Variants in KLC3 observed in about 807,000 individuals in gnomAD.
The protein encoded by KLC3 is kinesin light chain 2.
KLC3 carries 72 observed loss-of-function variants against 62.9 expected under a neutral mutation model. That is an observed-to-expected ratio of 1.15 (90% CI 0.95 to 1.39). KLC3 has a LOEUF of 1.39. Among genes scored for constraint, KLC3 ranks in the 40% most tolerant of loss-of-function variants. The pLI is 0.00. For synonymous variants in KLC3, 377 were observed against 300.5 expected (o/e 1.25, Z -2.63); for missense variants, 848 against 691.6 (o/e 1.23, Z -2.54).
chr19:45,350,278 G>A lies in KLC3; in HGVS notation c.1144-63G>A, dbSNP rs114207479. On this transcript the variant is annotated intron_variant, in intron 8 of 12. Coordinates refer to ENST00000391946, the MANE Select transcript of KLC3 (RefSeq NM_177417.3). ...TCTCTACAAAAAAAAAAAAAAAGGC[G>A]GGACTGGATGCAGTGTTGGGAACTG... 1.2e-3 allele frequency: 1,580 copies of A among 1,266,536 alleles called. 21 individuals carry two copies. The African/African-American group carries it at 0.021, about 17-fold the overall frequency. The allele number at this position is 1,266,536 out of a possible 1,614,324, so 78.5% of individuals were successfully genotyped here.
chr19:45,349,714 G>A (rs1971623104), intron 8 of KLC3, 112 bp downstream of exon 8: 1 of 1,069,340 alleles, frequency 9.4e-7, no homozygotes, highest in Non-Finnish European at 1.3e-6. Flanking sequence ...GGCCCCCCAG[G>A]CCGGGCCCTT....
chr19:45,346,864 A>G, intron 3 of KLC3, 90 bp downstream of exon 3: 3 of 1,238,016 alleles, frequency 2.4e-6, no homozygotes, highest in Non-Finnish European at 3.4e-6. Flanking sequence ...ACAGTCCCCA[A>G]GATCCTCCTT....
chr19:45,348,514 C>T (rs937543224), intron 5 of KLC3, 132 bp from the exon 6 acceptor site: 2 of 816,882 alleles, frequency 2.4e-6, no homozygotes, highest in Admixed American at 2.5e-5. Context: ...CCACAAAAGG[C>T]CCTCAAAGGG....
chr19:45,347,972 G>GC lies in KLC3; in HGVS notation c.592dup (p.Gln198ProfsTer5). Reference sequence around the variant, plus strand: ...AGGCCGCAGGAGCAGCAGCTGCTCAGCAGGGTGGCTATGAGATCCCTGCCC... The same window carrying GC: ...AGGCCGCAGGAGCAGCAGCTGCTCAGCCAGGGTGGCTATGAGATCCCTGCCC... On this transcript the variant is annotated frameshift_variant, in exon 5 of 13. Transcript: ENST00000391946. LOFTEE classifies it high-confidence loss of function. 1 of 1,608,940 alleles carries GC rather than the reference G, an allele frequency of 6.2e-7. No individual in the cohort carries two copies. Among genetic ancestry groups the GC allele is most frequent in the Non-Finnish European group, 8.5e-7 (1 of 1,177,980 alleles).
chr19:45,345,375 A>C (rs1045634501), intron 1 of KLC3, 159 bp from the exon 2 acceptor site: 1 of 855,172 alleles, frequency 1.2e-6, no homozygotes, highest in Non-Finnish European at 1.9e-6. Flanking sequence ...TGGGATGGAG[A>C]GGGTGTGGAG....
rs1335127636 is a variant in KLC3 at position 45,345,526 on chromosome 19, C to T, written c.-8-8C>T. 1 of 1,558,850 alleles carries T rather than the reference C, an allele frequency of 6.4e-7. No individual in the cohort carries two copies. The highest frequency in any genetic ancestry group is 2.4e-5 in the East Asian group (1 of 41,698). ...TGATTCCCCAAACCCCTCACCATTG[C>T]TCCCCAGGAGCAGCAATGTCTGTGC... On this transcript the variant is annotated splice_polypyrimidine_tract_variant and splice_region_variant and intron_variant, in intron 1 of 12. Coordinates refer to ENST00000391946, the MANE Select transcript of KLC3 (RefSeq NM_177417.3).
chr19:45,343,565 C>T (rs1042723334), intron 1 of KLC3, among the ~76,000 whole-genome samples: 4 of 152,102 alleles, frequency 2.6e-5, no homozygotes, highest in Non-Finnish European at 4.4e-5. Context: ...AAACTCCTGA[C>T]CTCAACTGAT....
Position 45,351,342 on chromosome 19 carries a change from C to T in KLC3, c.1500C>T (p.Asp500=). Residue 500 remains aspartate, a synonymous_variant, in exon 13 of 13, where the codon GAC becomes GAT. Transcript: ENST00000391946. Reference sequence around the variant, plus strand: ...GGACCCTCAGCGCCAGCACCCAGGACCTGAGCCCCCACTAACGTCCAGTGA... The same window carrying T: ...GGACCCTCAGCGCCAGCACCCAGGATCTGAGCCCCCACTAACGTCCAGTGA... ...APRTLSASTQ[D]LSPH The T allele has an allele frequency of 1.2e-6, 2 of 1,611,674 alleles. No individual in the cohort carries two copies. The highest frequency in any genetic ancestry group is 1.7e-5 in the Admixed American group (1 of 60,010).
Position 45,350,713 on chromosome 19 carries a change from C to G in KLC3, c.1345C>G (p.Arg449Gly), listed in dbSNP as rs531834422. 8 of 1,613,260 alleles carry G rather than the reference C, an allele frequency of 5.0e-6. No homozygotes were observed. The highest frequency in any genetic ancestry group is 1.7e-5 in the Admixed American group (1 of 59,902). The change falls in exon 11 of 13, where the codon CGG becomes GGG. Residue 449 changes from arginine to glycine, a missense_variant. Transcript: ENST00000391946. Reference sequence around the variant, plus strand: ...GCGAGGAAGTGAGAAGCTGGTCTCCCGGCTCCGAGGCGAGGCGGCGGCAGG... The same window carrying G: ...GCGAGGAAGTGAGAAGCTGGTCTCCGGGCTCCGAGGCGAGGCGGCGGCAGG... ...IRRGSEKLVS[R>G]LRGEAAAGAA...
rs1388470729 is a variant in KLC3, at chr19:45,351,003, GC to G, written c.1430del (p.Ala477ValfsTer25). ...LNTLNVDAPRAPGTQFPSWHL... is the reference protein window; with the variant it reads ...LNTLNVDAPRXPGTQFPSWHL... ...CACACTGAACGTGGATGCTCCAAGGGCTCCTGGGACTCAGGTGAGGGGGACA... is the reference window on the plus strand; with the variant it reads ...CACACTGAACGTGGATGCTCCAAGGGTCCTGGGACTCAGGTGAGGGGGACA... On this transcript the variant is annotated frameshift_variant, in exon 12 of 13. Coordinates refer to ENST00000391946, the MANE Select transcript of KLC3 (RefSeq NM_177417.3). LOFTEE classifies it high-confidence loss of function. The G allele has an allele frequency of 1.2e-6, 2 of 1,614,136 alleles. No homozygotes were observed. Among genetic ancestry groups the G allele is most frequent in the Non-Finnish European group, 1.7e-6 (2 of 1,180,014 alleles).
chr19:45,343,871 A>G (rs1971437226), intron 1 of KLC3, among the ~76,000 whole-genome samples: 1 of 151,570 alleles, frequency 6.6e-6, no homozygotes, highest in African/African-American at 2.4e-5. Flanking sequence ...ACTGGGTCTT[A>G]CTCTTTCACC....
At chr19:45,346,141 G>A (rs1193513456) in intron 2 of KLC3, among the ~76,000 whole-genome samples, 2 of 152,080 alleles carry the variant, frequency 1.3e-5, no homozygotes, top group Non-Finnish European at 2.9e-5. Context: ...CAGTCTGGGT[G>A]ACAGAGAGAG....
Position 45,348,217 on chromosome 19 carries a change from C to T in KLC3, c.779+57C>T. On this transcript the variant is annotated intron_variant, in intron 5 of 12. Transcript: ENST00000391946. The stretch of plus-strand genomic sequence containing the variant: ...AGGAACGGCAGGGACCCATTGGGTG[C>T]AAGTGGAAGGATCCTGGTGCCCCCT... The T allele has an allele frequency of 2.1e-6, 3 of 1,451,750 alleles. No individual in the cohort carries two copies. The South Asian group carries it at 3.8e-5, about 18-fold the overall frequency. The allele number at this position is 1,451,750 out of a possible 1,614,324, so 89.9% of individuals were successfully genotyped here.
At chr19:45,350,606 T>C in intron 10 of KLC3, 35 bp from the exon 11 acceptor site, 3 of 1,613,160 alleles carry the variant, frequency 1.9e-6, no homozygotes, top group Non-Finnish European at 2.5e-6. Context: ...TGCATGGGCC[T>C]GGGGGACTGA....
intron 1 of KLC3, among the ~76,000 whole-genome samples, chr19:45,342,743 G>A (rs1468725434): frequency 6.6e-6 from 1 of 152,008 alleles, no homozygotes; most frequent in Non-Finnish European, 1.5e-5. Context: ...CTCCAGTCTG[G>A]GCAACAGAGC....
chr19:45,341,155 G>C (rs1971384826), intron 1 of KLC3, among the ~76,000 whole-genome samples: 3 of 151,720 alleles, frequency 2.0e-5, no homozygotes, highest in Admixed American at 2.0e-4. Context: ...GCGGGGCTGG[G>C]CCACGATGGG....
rs561464436 is a variant in KLC3 at position 45,351,352 on chromosome 19, C to T, written c.1510C>T (p.His504Tyr). 13 of 1,610,820 alleles carry T rather than the reference C, an allele frequency of 8.1e-6. No individual in the cohort carries two copies. The highest frequency in any genetic ancestry group is 5.3e-5 in the African/African-American group (4 of 74,888). Reference protein sequence around the residue: ...LSASTQDLSPH With the variant: ...LSASTQDLSPY ...CGCCAGCACCCAGGACCTGAGCCCC[C>T]ACTAACGTCCAGTGAACTGCGCTGG... Residue 504 changes from histidine to tyrosine, a missense_variant, in exon 13 of 13, where the codon CAC (histidine) becomes TAC (tyrosine). His to Tyr is a moderately conservative substitution (Grantham distance 83). Coordinates refer to ENST00000391946, the MANE Select transcript of KLC3 (RefSeq NM_177417.3).
rs1971606691 is a variant in KLC3, at chr19:45,349,533, G to A, written c.1074G>A (p.Arg358=). Residue 358 remains arginine, a synonymous_variant, in exon 8 of 13, where the codon CGG becomes CGA. Coordinates refer to ENST00000391946, the MANE Select transcript of KLC3 (RefSeq NM_177417.3). The part of the protein sequence containing the change: ...KFEDVERHYA[R]ALSIYEALGG... ...AGGACGTGGAGCGGCACTATGCCCG[G>A]GCCCTGAGCATCTATGAGGCACTGG... 6.2e-7 allele frequency: 1 copy of A among 1,613,982 alleles called. No homozygotes were observed. Among genetic ancestry groups the A allele is most frequent in the African/African-American group, 1.3e-5 (1 of 75,024 alleles).
chr19:45,344,619 G>A (rs56990514), intron 1 of KLC3, among the ~76,000 whole-genome samples: 2,236 of 152,234 alleles, frequency 0.015, 49 homozygotes, highest in African/African-American at 0.051. Context: ...AAGGGAGGGT[G>A]CGGGTGTGTG....
Sources: gnomAD v4.1 joint callset for allele counts (sites outside exome capture counted in the v4.1 genomes callset) on GRCh38, gnomAD v4.1.1 for gene constraint, MANE v1.5 for transcripts, NCBI Gene and HGNC (gene_info 2026-07-23, HGNC 2026-07-21) for gene names.